Variants in GLRA2 observed in about 807,000 individuals in gnomAD.
The protein encoded by GLRA2 is glycine receptor subunit alpha-2.
In GLRA2, 11 loss-of-function variants were observed where a neutral mutation model predicts 31.6. The ratio of observed to expected loss-of-function variants is 0.35; its 90% confidence interval spans 0.22 to 0.58. The LOEUF is 0.58. Ranked by LOEUF, GLRA2 falls within the 20% of genes least tolerant of loss-of-function variation. GLRA2 has a pLI of 0.84. For missense variants in GLRA2, 212 were observed against 351.8 expected (o/e 0.60, Z 3.18); for synonymous variants, 132 against 134.0 (o/e 0.99, Z 0.10).
At chrX:14,499,069 A>T in the GLRA2 span, among the ~76,000 whole-genome samples, 1 of 112,325 alleles carries the variant, frequency 8.9e-6, no homozygotes, top group Non-Finnish European at 1.9e-5. Flanking sequence ...GCTGCAATAA[A>T]CATAGGAGTG....
chrX:14,562,179 G>T (rs2089742256), intron 2 of GLRA2, among the ~76,000 whole-genome samples: 1 of 112,451 alleles, frequency 8.9e-6, no homozygotes, highest in Non-Finnish European at 1.9e-5. Flanking sequence ...ACAGTAGACA[G>T]CTCAAGCTCT....
chrX:14,578,235 G>A (rs3027351), intron 3 of GLRA2, among the ~76,000 whole-genome samples: 42,596 of 110,330 alleles, frequency 0.39, 7,638 homozygotes, highest in African/African-American at 0.7. Flanking sequence ...AGTCAAGATG[G>A]CTTTCTTTGT....
At chrX:14,458,912 AT>A in the GLRA2 span, among the ~76,000 whole-genome samples, 1 of 111,402 alleles carries the variant, frequency 9.0e-6, no homozygotes, top group Non-Finnish European at 1.9e-5. Flanking sequence ...TTTTGTTGTC[AT>A]TGCTTTTGGT....
chrX:14,565,256 G>A (rs1039689311), intron 2 of GLRA2, among the ~76,000 whole-genome samples: 5 of 111,741 alleles, frequency 4.5e-5, no homozygotes, highest in Non-Finnish European at 9.4e-5. Flanking sequence ...GTCACAAGTA[G>A]GCTAACAGCA....
At chrX:14,625,204 A>G (rs1454194513) in intron 7 of GLRA2, among the ~76,000 whole-genome samples, 1 of 110,859 alleles carries the variant, frequency 9.0e-6, no homozygotes, top group Non-Finnish European at 1.9e-5. Flanking sequence ...TGCTTGGTAG[A>G]TCTTCCTCTA....
the GLRA2 span, among the ~76,000 whole-genome samples, chrX:14,455,256 A>T: frequency 3.6e-5 from 4 of 111,368 alleles, no homozygotes; most frequent in Admixed American, 1.9e-4. Flanking sequence ...AGGTTTTTCA[A>T]CTCTCTTCTG....
At chrX:14,718,234 G>T (rs1378015192) in intron 8 of GLRA2, among the ~76,000 whole-genome samples, 1 of 111,469 alleles carries the variant, frequency 9.0e-6, no homozygotes, top group East Asian at 2.8e-4. Context: ...TACCTAGCAT[G>T]ACTTACAGAG....
rs2090370228 is a variant in GLRA2, at chrX:14,609,013, C to T, written c.738C>T (p.Val246=). ...YNTGKFTCIE[V]KFHLERQMGY... is the part of the protein sequence containing the mutation. ...TAGGAAAGTTTACCTGCATTGAGGT[C>T]AAGTTTCATCTGGAACGCCAAATGG... Residue 246 remains valine (V), a synonymous_variant, in exon 7 of 9, where the codon GTC becomes GTT. Coordinates refer to ENST00000218075, the MANE Select transcript of GLRA2 (RefSeq NM_002063.4). 8.8e-7 allele frequency: 1 copy of T among 1,136,460 alleles called. No individual in the cohort carries two copies. The highest frequency in any genetic ancestry group is 1.8e-5 in the African/African-American group (1 of 54,666). The allele number at this position is 1,136,460 out of a possible 1,213,427, so 93.7% of individuals were successfully genotyped here.
At chrX:14,479,114 GAA>G in the GLRA2 span, among the ~76,000 whole-genome samples, 1 of 100,291 alleles carries the variant, frequency 1.0e-5, no homozygotes, top group Non-Finnish European at 2.0e-5. Context: ...GGCATGCAGA[GAA>G]AAAAAAAAAG....
chrX:14,624,643 C>A (rs926276800), intron 7 of GLRA2, among the ~76,000 whole-genome samples: 2 of 111,969 alleles, frequency 1.8e-5, no homozygotes. Context: ...TGCTCAGTTT[C>A]CATGTAGTTG....
At chrX:14,485,612 TCTA>T in the GLRA2 span, among the ~76,000 whole-genome samples, 32 of 111,440 alleles carry the variant, frequency 2.9e-4, no homozygotes, top group South Asian at 0.012. Flanking sequence ...GCACCTAAAA[TCTA>T]CTCTCTTGGC....
chrX:14,559,196 G>A (rs1271321839), intron 2 of GLRA2, among the ~76,000 whole-genome samples: 1 of 111,237 alleles, frequency 9.0e-6, no homozygotes, highest in African/African-American at 3.3e-5. Flanking sequence ...GTCCAAAGCT[G>A]TCTCATCAGG....
chrX:14,568,864 T>C (rs2089845978), intron 2 of GLRA2, among the ~76,000 whole-genome samples: 1 of 111,686 alleles, frequency 9.0e-6, no homozygotes, highest in Admixed American at 9.5e-5. Context: ...TTTTAAAATA[T>C]AGGGGTAAAC....
At chrX:14,525,868 G>A (rs2089185689), upstream of GLRA2, among the ~76,000 whole-genome samples, 1 of 111,442 alleles carries the variant, frequency 9.0e-6, no homozygotes. Flanking sequence ...CAAATTTCTG[G>A]TATATATTTA....
the GLRA2 span, among the ~76,000 whole-genome samples, chrX:14,454,658 C>T: frequency 9.1e-6 from 1 of 110,259 alleles, no homozygotes; most frequent in Non-Finnish European, 1.9e-5. Context: ...TTCCACTGTA[C>T]CATTTTGGTT....
At chrX:14,495,656 C>CCTTATATA in the GLRA2 span, among the ~76,000 whole-genome samples, 1 of 107,449 alleles carries the variant, frequency 9.3e-6, no homozygotes, top group Non-Finnish European at 1.9e-5. Context: ...GCATATATAT[C>CCTTATATA]CTTATATACT....
At chrX:14,585,343 T>C (rs1463483089) in intron 4 of GLRA2, among the ~76,000 whole-genome samples, 1 of 111,406 alleles carries the variant, frequency 9.0e-6, no homozygotes, top group Non-Finnish European at 1.9e-5. Flanking sequence ...GGTGGATGCA[T>C]GATAAATTAA....
chrX:14,624,827 C>T (rs1259388879), intron 7 of GLRA2, among the ~76,000 whole-genome samples: 4 of 111,546 alleles, frequency 3.6e-5, no homozygotes, highest in South Asian at 3.8e-4. Flanking sequence ...GTATATTCTG[C>T]TGATTTGGGG....
upstream of GLRA2, among the ~76,000 whole-genome samples, chrX:14,524,319 G>A (rs1013024746): frequency 6.3e-5 from 7 of 111,972 alleles, no homozygotes; most frequent in South Asian, 7.5e-4. Flanking sequence ...CCTCATGCCA[G>A]AGGTCTTCTC....
Sources: allele counts gnomAD v4.1 joint callset (sites outside exome capture counted in the v4.1 genomes callset), GRCh38; gene constraint gnomAD v4.1.1; transcripts MANE v1.5; gene names NCBI Gene and HGNC (gene_info 2026-07-23, HGNC 2026-07-21).